COMMD1: variants seen among roughly 807,000 people sequenced by gnomAD.
COMMD1 encodes the protein copper metabolism domain containing 1.
In COMMD1, 10 loss-of-function variants were observed where a neutral mutation model predicts 17.2. That is an observed-to-expected ratio of 0.58 (90% CI 0.36 to 0.99). COMMD1 has a LOEUF of 0.99. Ranked by LOEUF, COMMD1 falls within the 50% of genes least tolerant of loss-of-function variation. The probability of loss-of-function intolerance (pLI) is 0.01; values close to 1 mark genes in which losing one functional copy is unlikely to be tolerated. For synonymous variants in COMMD1, 97 were observed against 91.6 expected (o/e 1.06, Z -0.34); for missense variants, 270 against 231.8 (o/e 1.17, Z -1.07).
intron 2 of COMMD1, among the ~76,000 whole-genome samples, chr2:62,083,974 A>AT (rs1491393093): frequency 1.3e-5 from 2 of 152,222 alleles, no homozygotes; most frequent in Non-Finnish European, 2.9e-5. Flanking sequence ...GGCTACTGAA[A>AT]TTCTGGCTTC....
At chr2:62,122,865 G>C (rs1035732541) in intron 2 of COMMD1, among the ~76,000 whole-genome samples, 1 of 152,236 alleles carries the variant, frequency 6.6e-6, no homozygotes, top group Non-Finnish European at 1.5e-5. Flanking sequence ...TGAGTGGATA[G>C]TGTTTTTAGA....
intron 2 of COMMD1, among the ~76,000 whole-genome samples, chr2:62,063,298 T>C (rs1393168457): frequency 6.6e-6 from 1 of 152,142 alleles, no homozygotes; most frequent in African/African-American, 2.4e-5. Context: ...CTAGGGAGCC[T>C]GAGGTGGGAG....
chr2:61,899,596 T>TA (rs1669617373), intron 1 of COMMD1, among the ~76,000 whole-genome samples: 1 of 152,150 alleles, frequency 6.6e-6, no homozygotes, highest in Non-Finnish European at 1.5e-5. Flanking sequence ...AGGGCAGAGG[T>TA]AAAATTTTGC....
chr2:61,985,193 G>C (rs1045347341), intron 1 of COMMD1, among the ~76,000 whole-genome samples: 17 of 152,154 alleles, frequency 1.1e-4, no homozygotes, highest in African/African-American at 3.6e-4. Flanking sequence ...TGGGACTACA[G>C]GCGCCCACCA....
At chr2:61,998,516 T>C (rs933118813) in intron 1 of COMMD1, among the ~76,000 whole-genome samples, 8 of 152,292 alleles carry the variant, frequency 5.3e-5, no homozygotes, top group East Asian at 1.9e-4. Flanking sequence ...CAATTCGGCC[T>C]CCCAAAGTGC....
intron 2 of COMMD1, among the ~76,000 whole-genome samples, chr2:62,029,406 GAAA>G (rs1367323823): frequency 6.6e-6 from 1 of 151,696 alleles, no homozygotes; most frequent in Non-Finnish European, 1.5e-5. Context: ...ACTTAAAACA[GAAA>G]AAATATATAT....
chr2:61,988,044 C>T (rs1415694249), intron 1 of COMMD1, among the ~76,000 whole-genome samples: 1 of 152,150 alleles, frequency 6.6e-6, no homozygotes, highest in Admixed American at 6.5e-5. Context: ...AAATCTGCAA[C>T]TCACCCTTCC....
chr2:61,984,724 A>G (rs1368086464), intron 1 of COMMD1, among the ~76,000 whole-genome samples: 2 of 152,194 alleles, frequency 1.3e-5, no homozygotes, highest in Non-Finnish European at 2.9e-5. Flanking sequence ...AATTTTGTCT[A>G]GATGATCTGT....
upstream of COMMD1, among the ~76,000 whole-genome samples, chr2:61,901,705 T>A (rs537129576): frequency 8.9e-4 from 136 of 152,316 alleles, no homozygotes; most frequent in Middle Eastern, 3.4e-3. Context: ...CAGTATTACA[T>A]GTACACTGTA....
intron 2 of COMMD1, among the ~76,000 whole-genome samples, chr2:62,090,218 A>G (rs935559590): frequency 6.6e-6 from 1 of 152,204 alleles, no homozygotes; most frequent in African/African-American, 2.4e-5. Context: ...TACAGTGACA[A>G]ACACCATAAA....
intron 2 of COMMD1, among the ~76,000 whole-genome samples, chr2:62,062,583 C>G (rs964810984): frequency 1.3e-5 from 2 of 151,726 alleles, no homozygotes; most frequent in African/African-American, 4.8e-5. Context: ...TGGTTTTTGC[C>G]TAATAAATAA....
At chr2:61,952,590 G>T (rs906841435) in intron 1 of COMMD1, among the ~76,000 whole-genome samples, 3 of 152,114 alleles carry the variant, frequency 2.0e-5, no homozygotes, top group Non-Finnish European at 2.9e-5. Context: ...TAACCAGTCA[G>T]CAGCACTCAT....
chr2:61,998,519 C>G (rs1405945500), intron 1 of COMMD1, among the ~76,000 whole-genome samples: 2 of 152,090 alleles, frequency 1.3e-5, no homozygotes, highest in African/African-American at 4.8e-5. Context: ...TTCGGCCTCC[C>G]AAAGTGCTGG....
At chr2:62,075,277 T>C (rs1237424966) in intron 2 of COMMD1, among the ~76,000 whole-genome samples, 1 of 151,882 alleles carries the variant, frequency 6.6e-6, no homozygotes, top group East Asian at 1.9e-4. Context: ...GACTTCTCTT[T>C]AAAAAAAATA....
chr2:61,964,620 G>A (rs1671458897), intron 1 of COMMD1, among the ~76,000 whole-genome samples: 2 of 151,766 alleles, frequency 1.3e-5, no homozygotes, highest in Non-Finnish European at 2.9e-5. Context: ...AGATCACGAG[G>A]TTAGGAGTTC....
At chr2:62,098,380 G>T (rs1461324274) in intron 2 of COMMD1, among the ~76,000 whole-genome samples, 1 of 151,746 alleles carries the variant, frequency 6.6e-6, no homozygotes, top group African/African-American at 2.4e-5. Flanking sequence ...CAAAATGCTG[G>T]GATTACAGGT....
chr2:61,935,968 C>T (rs1021978806), intron 1 of COMMD1, among the ~76,000 whole-genome samples: 1 of 152,052 alleles, frequency 6.6e-6, no homozygotes, highest in Non-Finnish European at 1.5e-5. Context: ...AGGTGCATGC[C>T]ACCATACCTG....
intron 1 of COMMD1, among the ~76,000 whole-genome samples, chr2:61,987,242 G>A (rs1444461398): frequency 3.3e-5 from 5 of 152,118 alleles, no homozygotes; most frequent in Non-Finnish European, 4.4e-5. Context: ...CTCGATGCTT[G>A]TGGATTCTCG....
chr2:62,068,045 C>CACCA (rs1404136242), intron 2 of COMMD1, among the ~76,000 whole-genome samples: 2 of 152,130 alleles, frequency 1.3e-5, no homozygotes, highest in African/African-American at 4.8e-5. Flanking sequence ...ACAGTGTAGC[C>CACCA]ACCAGATAAA....
Sources: gnomAD v4.1 joint callset for allele counts (sites outside exome capture counted in the v4.1 genomes callset) on GRCh38, gnomAD v4.1.1 for gene constraint, MANE v1.5 for transcripts, NCBI Gene and HGNC (gene_info 2026-07-23, HGNC 2026-07-21) for gene names.